ZNF385D: variants seen among roughly 807,000 people sequenced by gnomAD.
ZNF385D encodes zinc finger protein 659.
ZNF385D carries 15 observed loss-of-function variants against 35.8 expected under a neutral mutation model. The ratio of observed to expected loss-of-function variants is 0.42; its 90% CI spans 0.28 to 0.64. ZNF385D has a LOEUF of 0.64. Among genes scored for constraint, ZNF385D ranks in the 30% least tolerant of loss-of-function variants. ZNF385D has a pLI of 0.23. For synonymous variants in ZNF385D, 212 were observed against 186.8 expected, an observed-to-expected ratio of 1.13 and a Z score of -1.10; for missense variants, 474 against 494.6, an observed-to-expected ratio of 0.96 and a Z score of 0.39.
intron 3 of ZNF385D, among the ~76,000 whole-genome samples, chr3:21,995,661 C>G (rs890049630): frequency 6.6e-6 from 1 of 151,766 alleles, no homozygotes; most frequent in Non-Finnish European, 1.5e-5. Context: ...CCCATACCCC[C>G]AAATGGCATT....
chr3:22,127,218 C>G (rs969785384), intron 3 of ZNF385D, among the ~76,000 whole-genome samples: 1 of 146,024 alleles, frequency 6.8e-6, no homozygotes, highest in Non-Finnish European at 1.5e-5. Context: ...TTTGTTATTT[C>G]TTTTCTGGTT....
chr3:21,752,445 T>C (rs2070146467), upstream of ZNF385D, among the ~76,000 whole-genome samples: 1 of 152,178 alleles, frequency 6.6e-6, no homozygotes, highest in African/African-American at 2.4e-5. Flanking sequence ...TTCTATAGCA[T>C]TTCCTTACGC....
intron 4 of ZNF385D, among the ~76,000 whole-genome samples, chr3:21,480,513 A>G (rs1050750700): frequency 6.6e-5 from 10 of 152,128 alleles, no homozygotes; most frequent in African/African-American, 2.4e-4. Flanking sequence ...CTCAATATCA[A>G]ATCACCCTCC....
intron 4 of ZNF385D, among the ~76,000 whole-genome samples, chr3:21,455,851 G>A (rs1702773204): frequency 6.6e-6 from 1 of 152,036 alleles, no homozygotes; most frequent in East Asian, 1.9e-4. Context: ...CTGACAAAGG[G>A]CTAATATCCA....
intron 2 of ZNF385D, among the ~76,000 whole-genome samples, chr3:22,339,055 A>G (rs1695304169): frequency 6.6e-6 from 1 of 152,118 alleles, no homozygotes; most frequent in African/African-American, 2.4e-5. Flanking sequence ...ATATATAGAG[A>G]GATGATAGGC....
At chr3:21,945,565 T>A (rs1701741426) in intron 3 of ZNF385D, among the ~76,000 whole-genome samples, 1 of 152,206 alleles carries the variant, frequency 6.6e-6, no homozygotes, top group South Asian at 2.1e-4. Context: ...TGAAAGAAGA[T>A]GACATAAAGT....
intron 1 of ZNF385D, among the ~76,000 whole-genome samples, chr3:21,709,043 G>A (rs747885541): frequency 2.6e-5 from 4 of 152,054 alleles, no homozygotes; most frequent in Non-Finnish European, 5.9e-5. Flanking sequence ...TTGGAACTTA[G>A]GTTGTAATTA....
intron 1 of ZNF385D, among the ~76,000 whole-genome samples, chr3:21,732,901 C>T (rs1277293970): frequency 6.6e-6 from 1 of 152,096 alleles, no homozygotes; most frequent in Non-Finnish European, 1.5e-5. Flanking sequence ...TTGATGAAGT[C>T]CCGCTTATCA....
chr3:21,679,561 AGAG>A (rs755284690), intron 1 of ZNF385D, among the ~76,000 whole-genome samples: 89 of 152,128 alleles, frequency 5.9e-4, no homozygotes, highest in Non-Finnish European at 8.7e-4. Context: ...AAGCTAATCC[AGAG>A]AGAAGAAATG....
intron 3 of ZNF385D, among the ~76,000 whole-genome samples, chr3:21,798,673 G>A (rs1257948816): frequency 1.3e-5 from 2 of 152,074 alleles, no homozygotes; most frequent in East Asian, 1.9e-4. Flanking sequence ...TCTAAGCAGG[G>A]ATGTGACAGC....
chr3:21,818,655 C>G (rs1045926566), intron 3 of ZNF385D, among the ~76,000 whole-genome samples: 5 of 151,890 alleles, frequency 3.3e-5, no homozygotes, highest in African/African-American at 1.2e-4. Flanking sequence ...GATATATGGC[C>G]TCACACTCCA....
intron 4 of ZNF385D, among the ~76,000 whole-genome samples, chr3:21,471,142 G>T (rs572998991): frequency 6.6e-6 from 1 of 152,088 alleles, no homozygotes; most frequent in East Asian, 1.9e-4. Context: ...TGTCATAGCC[G>T]GCGTTATGCC....
At chr3:22,311,306 G>C (rs1406844634) in intron 2 of ZNF385D, among the ~76,000 whole-genome samples, 1 of 151,918 alleles carries the variant, frequency 6.6e-6, no homozygotes, top group Non-Finnish European at 1.5e-5. Context: ...ACGGTAATTT[G>C]ATTTTATGTG....
At position 21,437,055 on chromosome 3, in the gene ZNF385D, C is replaced by T. The variant is rs745356913; in HGVS notation, c.588G>A (p.Glu196=). The change falls in exon 5 of 8, where the codon GAG becomes GAA. Residue 196 remains glutamate, a synonymous_variant. Transcript: ENST00000281523. The part of the protein sequence containing the change: ...GNSSCPSTET[E]EEKAKRLLYC... ...AAAGAAGCCGTTTTGCCTTTTCTTC[C>T]TCGGTCTCAGTAGAAGGACATGAGC... 6.2e-7 allele frequency: 1 copy of T among 1,613,978 alleles called. No homozygotes were observed. Among genetic ancestry groups the T allele is most frequent in the Admixed American group, 1.7e-5 (1 of 59,996 alleles).
intron 3 of ZNF385D, among the ~76,000 whole-genome samples, chr3:21,809,988 T>A (rs1480425466): frequency 6.6e-6 from 1 of 152,116 alleles, no homozygotes; most frequent in African/African-American, 2.4e-5. Context: ...ATGGATTCCA[T>A]ACAATATCTT....
At chr3:21,872,652 T>C (rs191019734) in intron 3 of ZNF385D, among the ~76,000 whole-genome samples, 74 of 152,212 alleles carry the variant, frequency 4.9e-4, no homozygotes, top group African/African-American at 1.8e-3. Context: ...CATAATGAAA[T>C]GGTTGCCATT....
chr3:22,175,338 A>C (rs1216057829), intron 2 of ZNF385D, among the ~76,000 whole-genome samples: 1 of 152,048 alleles, frequency 6.6e-6, no homozygotes, highest in Non-Finnish European at 1.5e-5. Flanking sequence ...AAAGAGAAAA[A>C]TACTGTACTC....
intron 2 of ZNF385D, among the ~76,000 whole-genome samples, chr3:22,204,927 G>T (rs1395633757): frequency 2.7e-5 from 4 of 147,794 alleles, no homozygotes; most frequent in Non-Finnish European, 4.5e-5. Context: ...GAGAGAGAGA[G>T]CCTGGGGTAG....
intron 3 of ZNF385D, among the ~76,000 whole-genome samples, chr3:22,017,488 C>A (rs1449622045): frequency 6.6e-6 from 1 of 151,870 alleles, no homozygotes; most frequent in Non-Finnish European, 1.5e-5. Context: ...TGTCAATAAT[C>A]TCTGTATTAT....
Sources: allele counts gnomAD v4.1 joint callset (sites outside exome capture counted in the v4.1 genomes callset), GRCh38; gene constraint gnomAD v4.1.1; transcripts MANE v1.5; gene names NCBI Gene and HGNC (gene_info 2026-07-23, HGNC 2026-07-21).